RANBP2: variants seen among roughly 807,000 people sequenced by gnomAD.
The protein encoded by RANBP2 is RAN binding protein 2, also known as E3 SUMO-protein ligase RanBP2.
Under a neutral mutation model 303.6 loss-of-function variants are expected in RANBP2, and 57 were observed. The ratio of observed to expected loss-of-function variants is 0.19; its 90% CI spans 0.15 to 0.23. The LOEUF is 0.23. RANBP2 is among the 10% of genes least tolerant of loss of function. RANBP2 has a pLI of 1.00. For synonymous variants in RANBP2, 1,167 were observed against 1,301.5 expected (o/e 0.90, Z 2.23); for missense variants, 3,138 against 3,780.8 (o/e 0.83, Z 4.46).
chr2:109,272,552 T>C, the RANBP2 span, among the ~76,000 whole-genome samples: 1 of 152,212 alleles, frequency 6.6e-6, no homozygotes, highest in South Asian at 2.1e-4. Context: ...TTGGTGATGA[T>C]GTCTACTTGG....
chr2:109,668,713 T>C, the RANBP2 span, among the ~76,000 whole-genome samples: 1 of 152,226 alleles, frequency 6.6e-6, no homozygotes, highest in Admixed American at 6.5e-5. Context: ...TTGATGACTA[T>C]AGGCCAGTTT....
chr2:108,950,171 G>A, the RANBP2 span, among the ~76,000 whole-genome samples: 1 of 152,086 alleles, frequency 6.6e-6, no homozygotes, highest in Non-Finnish European at 1.5e-5. Context: ...CATCTAAGAT[G>A]TCATGTCTTT....
the RANBP2 span, among the ~76,000 whole-genome samples, chr2:109,466,558 T>G: frequency 6.6e-6 from 1 of 152,374 alleles, no homozygotes; most frequent in Admixed American, 6.5e-5. Context: ...CAGTATCTGT[T>G]TCAGAGCACA....
chr2:108,842,672 T>A, the RANBP2 span, among the ~76,000 whole-genome samples: 1 of 151,650 alleles, frequency 6.6e-6, no homozygotes, highest in Non-Finnish European at 1.5e-5. Flanking sequence ...TAGGGAGGAG[T>A]TGTCTAAGGC....
At chr2:108,910,425 C>G in the RANBP2 span, 3 of 1,575,332 alleles carry the variant, frequency 1.9e-6, no homozygotes. Flanking sequence ...CCACAGGACC[C>G]CAGCTTCAGC....
chr2:109,027,649 T>G, the RANBP2 span, among the ~76,000 whole-genome samples: 1 of 151,154 alleles, frequency 6.6e-6, no homozygotes, highest in African/African-American at 2.4e-5. Flanking sequence ...ACAAAGTATC[T>G]GGAAGGAAGC....
chr2:109,102,691 G>A, the RANBP2 span, among the ~76,000 whole-genome samples: 1 of 152,058 alleles, frequency 6.6e-6, no homozygotes, highest in East Asian at 1.9e-4. Flanking sequence ...GAGCCTTGGG[G>A]GAGAGGGAGG....
the RANBP2 span, among the ~76,000 whole-genome samples, chr2:108,807,998 T>C: frequency 6.6e-6 from 1 of 152,238 alleles, no homozygotes; most frequent in African/African-American, 2.4e-5. Flanking sequence ...GTAACCAATA[T>C]TATATTCTGT....
chr2:109,262,783 AT>A, the RANBP2 span, among the ~76,000 whole-genome samples: 1 of 151,958 alleles, frequency 6.6e-6, no homozygotes, highest in Non-Finnish European at 1.5e-5. Flanking sequence ...TATATATGTA[AT>A]GGGCCCAATG....
At chr2:108,821,176 G>C in the RANBP2 span, among the ~76,000 whole-genome samples, 1 of 152,116 alleles carries the variant, frequency 6.6e-6, no homozygotes, top group Non-Finnish European at 1.5e-5. Context: ...TGGCCAACAT[G>C]GTGAAACCCC....
At chr2:109,376,483 T>A in the RANBP2 span, among the ~76,000 whole-genome samples, 1 of 152,138 alleles carries the variant, frequency 6.6e-6, no homozygotes, top group African/African-American at 2.4e-5. Flanking sequence ...ACGCCAGTGA[T>A]TCTCGTCTGC....
the RANBP2 span, among the ~76,000 whole-genome samples, chr2:109,054,719 T>C: frequency 1.3e-5 from 2 of 150,964 alleles, no homozygotes; most frequent in East Asian, 1.9e-4. Flanking sequence ...AAAAAAGAGT[T>C]TGGCAAGCCA....
chr2:109,561,495 G>A, the RANBP2 span, among the ~76,000 whole-genome samples: 1 of 152,082 alleles, frequency 6.6e-6, no homozygotes, highest in Admixed American at 6.6e-5. Context: ...GCATTTAGCA[G>A]AGCCTTTTAA....
chr2:109,094,319 T>A, the RANBP2 span, among the ~76,000 whole-genome samples: 7 of 152,124 alleles, frequency 4.6e-5, no homozygotes, highest in African/African-American at 1.7e-4. Context: ...TTTTTGGGGA[T>A]CCGGTATTAT....
chr2:109,338,511 G>A, the RANBP2 span, among the ~76,000 whole-genome samples: 1 of 151,964 alleles, frequency 6.6e-6, no homozygotes, highest in Admixed American at 6.6e-5. Context: ...GAACAATGCA[G>A]GAGTTAGGGC....
the RANBP2 span, among the ~76,000 whole-genome samples, chr2:108,901,625 T>C: frequency 6.6e-6 from 1 of 152,200 alleles, no homozygotes; most frequent in Non-Finnish European, 1.5e-5. Context: ...GATATCACTA[T>C]ACACACCATA....
chr2:108,739,210 A>G (rs1226128533), intron 6 of RANBP2, among the ~76,000 whole-genome samples: 3 of 151,838 alleles, frequency 2.0e-5, no homozygotes, highest in African/African-American at 7.2e-5. Flanking sequence ...AGACCATCCC[A>G]GCTAACAATG....
chr2:109,092,723 C>G, the RANBP2 span, among the ~76,000 whole-genome samples: 1 of 152,162 alleles, frequency 6.6e-6, no homozygotes, highest in African/African-American at 2.4e-5. Flanking sequence ...TGGTTTCTCT[C>G]TCTCTGTCTG....
At chr2:109,266,057 T>C in the RANBP2 span, among the ~76,000 whole-genome samples, 8 of 152,030 alleles carry the variant, frequency 5.3e-5, no homozygotes, top group Admixed American at 1.3e-4. Flanking sequence ...TATGTGCATG[T>C]GTGCTGTGTG....
Sources: gnomAD v4.1 joint callset for allele counts (sites outside exome capture counted in the v4.1 genomes callset) on GRCh38, gnomAD v4.1.1 for gene constraint, MANE v1.5 for transcripts, NCBI Gene and HGNC (gene_info 2026-07-23, HGNC 2026-07-21) for gene names.